WWC1: variants seen among roughly 807,000 people sequenced by gnomAD.
WWC1 encodes the protein WW and C2 domain containing 1.
A neutral mutation model predicts 138.4 loss-of-function variants in WWC1; 55 were observed. That is an observed-to-expected ratio of 0.40 (90% CI 0.32 to 0.50). WWC1 has a LOEUF of 0.50. Ranked by LOEUF, WWC1 falls within the 20% of genes least tolerant of loss-of-function variation. The pLI is 0.72. For missense variants in WWC1, 1,226 were observed against 1,420.4 expected (o/e 0.86, Z 2.20); for synonymous variants, 524 against 564.9 (o/e 0.93, Z 1.03).
chr5:168,464,985 G>T (rs1443763894), intron 21 of WWC1, 23 bp downstream of exon 21: 4 of 1,611,422 alleles, frequency 2.5e-6, no homozygotes, highest in Non-Finnish European at 3.4e-6. Context: ...TCGAAGGCAG[G>T]GGAGCCCTGC....
chr5:168,396,670 G>A (rs187819236), intron 3 of WWC1, among the ~76,000 whole-genome samples: 47 of 152,258 alleles, frequency 3.1e-4, no homozygotes, highest in Non-Finnish European at 5.9e-4. Context: ...AGAGCTTGTC[G>A]CCAGTTTGTT....
intron 21 of WWC1, among the ~76,000 whole-genome samples, chr5:168,466,848 G>A (rs892015437): frequency 6.6e-6 from 1 of 151,552 alleles, no homozygotes; most frequent in Non-Finnish European, 1.5e-5. Context: ...GATCTTATTC[G>A]AAAGACTGAG....
chr5:168,421,843 A>C (rs1781109199), intron 9 of WWC1, among the ~76,000 whole-genome samples, 165 bp from the exon 10 acceptor site: 1 of 152,200 alleles, frequency 6.6e-6, no homozygotes, highest in Non-Finnish European at 1.5e-5. Flanking sequence ...GTGATATTGC[A>C]GTTATCATAG....
At chr5:168,387,563 T>A (rs775603115) in intron 3 of WWC1, among the ~76,000 whole-genome samples, 4 of 152,140 alleles carry the variant, frequency 2.6e-5, no homozygotes, top group African/African-American at 7.2e-5. Context: ...TACACATTTA[T>A]CTTCTTACAG....
At chr5:168,458,280 T>C (rs1400737557) in intron 19 of WWC1, among the ~76,000 whole-genome samples, 2 of 152,218 alleles carry the variant, frequency 1.3e-5, no homozygotes, top group African/African-American at 4.8e-5. Flanking sequence ...AGCACTGTGC[T>C]CTAGGTCACA....
chr5:168,321,233 T>G (rs58878647), intron 1 of WWC1, among the ~76,000 whole-genome samples: 9,427 of 152,214 alleles, frequency 0.062, 986 homozygotes, highest in African/African-American at 0.21. Context: ...AGCTTCCCCT[T>G]TTCTTCCCAG....
intron 1 of WWC1, among the ~76,000 whole-genome samples, chr5:168,296,220 G>A (rs537934953): frequency 6.6e-6 from 1 of 152,186 alleles, no homozygotes; most frequent in African/African-American, 2.4e-5. Flanking sequence ...CTTGTTGTGC[G>A]ATTTGTATTC....
Position 168,428,757 on chromosome 5 carries a change from T to C in WWC1, c.1970T>C (p.Val657Ala). ...AAFDSDESEA[V>A]GATRIQIALK... Reference sequence around the variant, plus strand: ...TTTGACAGTGACGAATCGGAAGCAGTGGGTGCGACCCGAATTCAGATTGCC... The same window carrying C: ...TTTGACAGTGACGAATCGGAAGCAGCGGGTGCGACCCGAATTCAGATTGCC... The change falls in exon 13 of 23, where the codon GTG becomes GCG. Residue 657 changes from valine (V) to alanine (A), a missense_variant. Val to Ala is a moderately conservative substitution (Grantham distance 64, BLOSUM62 0). Transcript: ENST00000265293. The C allele has an allele frequency of 6.2e-7, 1 of 1,613,938 alleles. No individual in the cohort carries two copies. The highest frequency in any genetic ancestry group is 8.5e-7 in the Non-Finnish European group (1 of 1,179,918).
intron 1 of WWC1, among the ~76,000 whole-genome samples, chr5:168,339,916 T>C (rs1773868759): frequency 7.3e-6 from 1 of 136,536 alleles, no homozygotes; most frequent in Non-Finnish European, 1.5e-5. Flanking sequence ...TTTCTCTCTC[T>C]CTCTCTCTTT....
chr5:168,346,032 G>C (rs1057180312), intron 1 of WWC1, among the ~76,000 whole-genome samples: 2 of 152,090 alleles, frequency 1.3e-5, no homozygotes, highest in African/African-American at 4.8e-5. Flanking sequence ...CACCAGGGCA[G>C]GGAGAAACAA....
At chr5:168,403,088 TTTTCTTTC>T (rs374311223) in intron 5 of WWC1, among the ~76,000 whole-genome samples, 7,268 of 122,970 alleles carry the variant, frequency 0.059, 432 homozygotes, top group Non-Finnish European at 0.079. Context: ...CTTTTCTTTC[TTTTCTTTC>T]TTTCTTTCTT....
chr5:168,320,757 C>T (rs1470492541), intron 1 of WWC1, among the ~76,000 whole-genome samples: 1 of 152,022 alleles, frequency 6.6e-6, no homozygotes, highest in Non-Finnish European at 1.5e-5. Flanking sequence ...GTGGCTGGAA[C>T]TGGTGGGTTT....
intron 3 of WWC1, among the ~76,000 whole-genome samples, chr5:168,390,721 C>T (rs1778418494): frequency 6.6e-6 from 1 of 152,264 alleles, no homozygotes; most frequent in Middle Eastern, 3.2e-3. Flanking sequence ...GTTTTGCCAC[C>T]TGGCCTTGGC....
chr5:168,362,408 G>C (rs908116688), intron 1 of WWC1, among the ~76,000 whole-genome samples: 2 of 152,200 alleles, frequency 1.3e-5, no homozygotes, highest in African/African-American at 4.8e-5. Flanking sequence ...AAATGACAGA[G>C]CCTGGATTCA....
At chr5:168,339,560 G>A (rs1385814395) in intron 1 of WWC1, among the ~76,000 whole-genome samples, 2 of 152,176 alleles carry the variant, frequency 1.3e-5, no homozygotes, top group Non-Finnish European at 2.9e-5. Flanking sequence ...CCTTGGGTGA[G>A]TTACTTACCC....
Position 168,409,974 on chromosome 5 carries a change from G to T in WWC1, c.920G>T (p.Arg307Leu), listed in dbSNP as rs775888825. ...QLAEKVRLRL[R>L]YEEAKRRIAN... is the part of the protein sequence containing the mutation. ...GCAGAGAAGGTCAGATTGCGCCTTC[G>T]ATATGAAGAGGCTAAGAGAAGGTAA... is the stretch of plus-strand genomic sequence containing the variant. Residue 307 changes from arginine to leucine, a missense_variant, in exon 8 of 23, where the codon CGA (arginine) becomes CTA (leucine). This residue lies in a region of WWC1 where 1,016 missense variants were observed against 1,153.9 expected (regional missense o/e 0.88). Transcript: ENST00000265293. 1.4e-5 allele frequency: 23 copies of T among 1,613,946 alleles called. No individual in the cohort carries two copies. The highest frequency in any genetic ancestry group is 1.9e-5 in the Non-Finnish European group (23 of 1,179,902).
chr5:168,371,812 T>G (rs967005209), intron 2 of WWC1, among the ~76,000 whole-genome samples: 10 of 152,184 alleles, frequency 6.6e-5, no homozygotes, highest in African/African-American at 2.4e-4. Context: ...CAGTTTCTTG[T>G]GTATCATTCC....
intron 1 of WWC1, among the ~76,000 whole-genome samples, chr5:168,298,412 C>T (rs1444187078): frequency 6.6e-6 from 1 of 152,166 alleles, no homozygotes; most frequent in Non-Finnish European, 1.5e-5. Flanking sequence ...ATTCTCCATG[C>T]TGCTGCTCTT....
chr5:168,435,031 G>A (rs899513772), intron 15 of WWC1, among the ~76,000 whole-genome samples: 4 of 152,278 alleles, frequency 2.6e-5, no homozygotes, highest in Middle Eastern at 3.4e-3. Context: ...CACGCTGTAT[G>A]GTATCATTTG....
Sources: gnomAD v4.1 joint callset for allele counts (sites outside exome capture counted in the v4.1 genomes callset) on GRCh38, gnomAD v4.1.1 for gene constraint, gnomAD v4.1.1 regional missense constraint, MANE v1.5 for transcripts, NCBI Gene and HGNC (gene_info 2026-07-23, HGNC 2026-07-21) for gene names.